EPM2A: variants seen among roughly 807,000 people sequenced by gnomAD.
EPM2A encodes the protein EPM2A glucan phosphatase, laforin, also known as laforin.
EPM2A carries 21 observed loss-of-function variants against 26.5 expected under a neutral mutation model. The ratio of observed to expected loss-of-function variants is 0.79; its 90% CI spans 0.56 to 1.14. EPM2A has a LOEUF of 1.14. Among genes scored for constraint, EPM2A ranks in the 50% most tolerant of loss-of-function variants. The pLI is 0.00. For synonymous variants in EPM2A, 217 were observed against 177.6 expected (o/e 1.22, Z -1.76); for missense variants, 458 against 440.8 (o/e 1.04, Z -0.35).
At chr6:145,686,099 T>C (rs563610356) in intron 2 of EPM2A, 23 bp downstream of exon 2, 3 of 1,595,578 alleles carry the variant, frequency 1.9e-6, no homozygotes, top group East Asian at 4.5e-5. Flanking sequence ...CTTCTATGCC[T>C]ATAAATATAG....
chr6:145,543,660 A>G (rs760580096), intron 2 of EPM2A, among the ~76,000 whole-genome samples: 10 of 152,186 alleles, frequency 6.6e-5, no homozygotes, highest in Non-Finnish European at 1.0e-4. Flanking sequence ...AGGATATGGG[A>G]GAAATGTGGA....
At position 145,554,455 on chromosome 6, in the gene EPM2A, G is replaced by GATAC. The variant is rs1007129707; in HGVS notation, c.341-51881_341-51880insGTAT. ...AGATAGATAGATAGATAGATAGATA[G>GATAC]ATAGATAGATAGATACATAGACAGA... On this transcript the variant is annotated intron_variant, in intron 2 of 3. Coordinates refer to the EPM2A transcript ENST00000450221. 3.0e-4 allele frequency among the ~76,000 whole-genome samples: 44 copies of GATAC among 148,626 alleles called. No homozygotes were observed. The East Asian group carries it at 6.1e-3, about 21-fold the overall frequency.
intron 2 of EPM2A, among the ~76,000 whole-genome samples, chr6:145,592,148 T>C (rs934598209): frequency 2.8e-4 from 40 of 141,054 alleles, no homozygotes; most frequent in African/African-American, 1.1e-3. Context: ...CTCCTAATGC[T>C]ATCCCTCCCC....
intron 4 of EPM2A, among the ~76,000 whole-genome samples, chr6:145,487,276 G>T (rs1047209790): frequency 6.6e-6 from 1 of 151,916 alleles, no homozygotes; most frequent in African/African-American, 2.4e-5. Context: ...TATCTTTGTT[G>T]TTGTGAATAT....
intron 2 of EPM2A, among the ~76,000 whole-genome samples, chr6:145,615,372 C>T (rs1276929830): frequency 2.0e-5 from 3 of 152,146 alleles, no homozygotes; most frequent in Non-Finnish European, 4.4e-5. Context: ...TGAGGCCCTC[C>T]CAGCCACATG....
chr6:145,394,351 C>T (rs558190448), intron 4 of EPM2A, among the ~76,000 whole-genome samples: 1 of 152,090 alleles, frequency 6.6e-6, no homozygotes, highest in Non-Finnish European at 1.5e-5. Context: ...CACTGAGCAC[C>T]AGGCTTTTAA....
At chr6:145,572,932 G>A (rs9497351) in intron 2 of EPM2A, among the ~76,000 whole-genome samples, 1,529 of 152,250 alleles carry the variant, frequency 0.01, 30 homozygotes, top group East Asian at 0.085. Context: ...CACGCTAGGC[G>A]TTATGCCTCT....
chr6:145,522,970 C>T (rs1255992384), intron 2 of EPM2A, among the ~76,000 whole-genome samples: 3 of 152,136 alleles, frequency 2.0e-5, no homozygotes, highest in Non-Finnish European at 4.4e-5. Flanking sequence ...AACTCAAGCA[C>T]GCTCTGTTCC....
At chr6:145,665,280 G>C (rs1315054644) in intron 2 of EPM2A, among the ~76,000 whole-genome samples, 1 of 42,560 alleles carries the variant, frequency 2.3e-5, no homozygotes, top group South Asian at 7.3e-4. Flanking sequence ...GACTAATAAA[G>C]AAAAAAAGAG....
intron 2 of EPM2A, among the ~76,000 whole-genome samples, chr6:145,650,012 T>C (rs1052780822): frequency 3.3e-5 from 5 of 152,064 alleles, no homozygotes; most frequent in Non-Finnish European, 7.4e-5. Context: ...GAAACGTTCA[T>C]CAAATACAGG....
At chr6:145,496,728 A>ATGTTTTTTTTTTTTT (rs779194973), downstream of EPM2A, among the ~76,000 whole-genome samples, 4,914 of 106,524 alleles carry the variant, frequency 0.046, 1,131 homozygotes, top group Non-Finnish European at 0.063. Context: ...AGTTCCTGCA[A>ATGTTTTTTTTTTTTT]TTTTTTTTTT....
chr6:145,718,723 T>C (rs367822435), intron 1 of EPM2A, among the ~76,000 whole-genome samples: 4 of 152,224 alleles, frequency 2.6e-5, no homozygotes, highest in East Asian at 3.8e-4. Context: ...CCTACTCATC[T>C]GACAAAGGGC....
intron 1 of EPM2A, among the ~76,000 whole-genome samples, chr6:145,733,766 GAGA>G (rs1291155152): frequency 3.3e-5 from 5 of 152,202 alleles, no homozygotes; most frequent in Non-Finnish European, 5.9e-5. Flanking sequence ...CAGTGAGGTA[GAGA>G]AGGAGAACAA....
At chr6:145,606,102 G>C (rs968259973) in intron 2 of EPM2A, among the ~76,000 whole-genome samples, 3 of 151,830 alleles carry the variant, frequency 2.0e-5, no homozygotes, top group African/African-American at 7.3e-5. Flanking sequence ...TTTCACCAAA[G>C]AGAAAAACAA....
chr6:145,727,165 T>G (rs2128642812), intron 1 of EPM2A, among the ~76,000 whole-genome samples: 1 of 151,978 alleles, frequency 6.6e-6, no homozygotes. Flanking sequence ...GTTAGAAAAA[T>G]TAGTCAATAG....
chr6:145,567,396 CAA>C (rs1306025720), intron 2 of EPM2A, among the ~76,000 whole-genome samples: 3 of 152,148 alleles, frequency 2.0e-5, no homozygotes, highest in Non-Finnish European at 4.4e-5. Flanking sequence ...CCTAAAACAA[CAA>C]AAGTTTCTTT....
intron 4 of EPM2A, among the ~76,000 whole-genome samples, chr6:145,395,260 C>T (rs1318469804): frequency 6.6e-6 from 1 of 152,156 alleles, no homozygotes; most frequent in Non-Finnish European, 1.5e-5. Flanking sequence ...CTATTTGAAC[C>T]TCACAAGGTA....
At chr6:145,412,593 C>T (rs1411124555) in intron 4 of EPM2A, among the ~76,000 whole-genome samples, 3 of 152,278 alleles carry the variant, frequency 2.0e-5, no homozygotes, top group Admixed American at 1.3e-4. Context: ...TATACTCATG[C>T]TTAGATTATA....
chr6:145,422,057 GTATA>G (rs67264730), intron 4 of EPM2A, among the ~76,000 whole-genome samples: 2 of 131,762 alleles, frequency 1.5e-5, no homozygotes, highest in African/African-American at 2.7e-5. Context: ...ATATATGAGT[GTATA>G]TATATATATA....
Sources: allele counts gnomAD v4.1 joint callset (sites outside exome capture counted in the v4.1 genomes callset), GRCh38; gene constraint gnomAD v4.1.1; transcripts MANE v1.5; gene names NCBI Gene and HGNC (gene_info 2026-07-23, HGNC 2026-07-21).